The following BFAR variants were observed in gnomAD, a reference collection of about 807,000 sequenced individuals.
BFAR encodes the protein RING finger protein 47.
Under a neutral mutation model 54.4 loss-of-function variants are expected in BFAR, and 52 were observed. That is an observed-to-expected ratio of 0.96 (90% CI 0.77 to 1.21). The LOEUF (loss-of-function observed/expected upper bound fraction) is 1.21. Ranked by LOEUF, BFAR falls within the 50% of genes most tolerant of loss-of-function variation. The probability of loss-of-function intolerance (pLI) is 0.00; values close to 1 mark genes in which losing one functional copy is unlikely to be tolerated. For synonymous variants in BFAR, 215 were observed against 204.3 expected, an observed-to-expected ratio of 1.05 and a Z score of -0.45; for missense variants, 571 against 534.0, an observed-to-expected ratio of 1.07 and a Z score of -0.68.
intron 1 of BFAR, among the ~76,000 whole-genome samples, chr16:14,639,040 A>G (rs935416163): frequency 3.5e-4 from 53 of 152,286 alleles, no homozygotes; most frequent in African/African-American, 1.2e-3. Flanking sequence ...TGACTTTCCT[A>G]AGTGTTAATT....
chr16:14,655,851 G>A (rs1960114602), intron 5 of BFAR, among the ~76,000 whole-genome samples: 1 of 152,188 alleles, frequency 6.6e-6, no homozygotes, highest in African/African-American at 2.4e-5. Flanking sequence ...AACCGCATCT[G>A]CTCTTTAAGC....
rs189802777 is a variant in BFAR, at chr16:14,656,846, T to A, written c.783+1636T>A. ...GTAATCCATAAGGAACAAAGTCCTGTAATCCCAGCACTTTGGGAGGCCGAG... is the reference window on the plus strand; with the variant it reads ...GTAATCCATAAGGAACAAAGTCCTGAAATCCCAGCACTTTGGGAGGCCGAG... On this transcript the variant is annotated intron_variant, in intron 5 of 7. Coordinates refer to ENST00000261658, the MANE Select transcript of BFAR (RefSeq NM_016561.3). Among the ~76,000 whole-genome samples the A allele has an allele frequency of 1.6e-4, 25 of 152,180 alleles. No individual in the cohort carries two copies. In the East Asian group the frequency reaches 4.4e-3, roughly 27 times the overall value.
chr16:14,665,056 C>T lies in BFAR; in HGVS notation c.1145C>T (p.Ser382Leu), dbSNP rs1246290045. The T allele has an allele frequency of 5.0e-6, 8 of 1,612,480 alleles. No individual in the cohort carries two copies. The highest frequency in any genetic ancestry group is 3.3e-5 in the South Asian group (3 of 91,028). Residue 382 changes from serine to leucine, a missense_variant, in exon 7 of 8, where the codon TCG (serine) becomes TTG (leucine). Transcript: ENST00000261658. ...LELFSFWRIW[S>L]RSELKTVPQR... ...TTATTCTCCTTTTGGAGAATCTGGT[C>T]GAGAAGTGAACTGAAGTAAGTATGT...
Position 14,644,471 on chromosome 16 carries a change from T to A in BFAR, c.125T>A (p.Val42Asp). The A allele has an allele frequency of 6.2e-7, 1 of 1,614,104 alleles. No individual in the cohort carries two copies. Among genetic ancestry groups the A allele is most frequent in the Non-Finnish European group, 8.5e-7 (1 of 1,180,006 alleles). ...TGCCACTGCTGCTACGACATCCTGG[T>A]TAACCCCACCACCTTGAACTGTGGG... ...FSCHCCYDIL[V>D]NPTTLNCGHS... is the part of the protein sequence containing the mutation. Residue 42 changes from valine to aspartate, a missense_variant, in exon 2 of 8, where the codon GTT becomes GAT. Val to Asp is a radical substitution (Grantham distance 152). Coordinates refer to ENST00000261658, the MANE Select transcript of BFAR (RefSeq NM_016561.3).
At chr16:14,662,453 T>A (rs1369478148) in intron 6 of BFAR, among the ~76,000 whole-genome samples, 2 of 152,282 alleles carry the variant, frequency 1.3e-5, no homozygotes, top group East Asian at 3.9e-4. Context: ...CTCCCCTAAT[T>A]ACCCAGTCTC....
At chr16:14,653,096 A>G (rs949456472) in intron 4 of BFAR, among the ~76,000 whole-genome samples, 1 of 152,234 alleles carries the variant, frequency 6.6e-6, no homozygotes, top group African/African-American at 2.4e-5. Flanking sequence ...GTATTTTTAC[A>G]TAGCTTTCTA....
At position 14,667,797 on chromosome 16, in the gene BFAR, A is replaced by G; in HGVS notation, c.1323A>G (p.Glu441=). The G allele has an allele frequency of 1.2e-6, 2 of 1,614,058 alleles. No homozygotes were observed. Among genetic ancestry groups the G allele is most frequent in the Non-Finnish European group, 1.7e-6 (2 of 1,180,014 alleles). The change falls in exon 8 of 8, where the codon GAA becomes GAG. Residue 441 remains glutamate, a synonymous_variant. Coordinates refer to ENST00000261658, the MANE Select transcript of BFAR (RefSeq NM_016561.3). ...PIINIDLVVK[E]LRRLETQVL is the part of the protein sequence containing the mutation. ...TTAACATTGATCTTGTGGTCAAGGA[A>G]CTCCGGCGGCTGGAAACCCAGGTGT...
chr16:14,661,646 G>A lies in BFAR; in HGVS notation c.784-246G>A, dbSNP rs114748934. Reference sequence around the variant, plus strand: ...TCAAACTCCTAACCTCAAGTGATCCGTCCACCTCGGCCTTCCCAAGTGTTG... The same window carrying A: ...TCAAACTCCTAACCTCAAGTGATCCATCCACCTCGGCCTTCCCAAGTGTTG... On this transcript the variant is annotated intron_variant, in intron 5 of 7. Transcript: ENST00000261658. Among the ~76,000 whole-genome samples the A allele has an allele frequency of 9.6e-3, 1,459 of 152,026 alleles. 21 individuals carry two copies. The highest frequency in any genetic ancestry group is 0.033 in the African/African-American group (1,378 of 41,472).
At position 14,668,835 on chromosome 16, in the gene BFAR, TAAAAA is replaced by T; in HGVS notation, c.*1020_*1024del. 6.4e-6 allele frequency: 1 copy of T among 157,478 alleles called. No homozygotes were observed. The highest frequency in any genetic ancestry group is 1.4e-5 in the Non-Finnish European group (1 of 73,824). 9.8% of individuals were successfully genotyped at this position (157,478 alleles called of 1,614,324 possible). On this transcript the variant is annotated 3_prime_UTR_variant, in exon 8 of 8. Coordinates refer to ENST00000261658, the MANE Select transcript of BFAR (RefSeq NM_016561.3). ...TGGGTGACAGAGGGAGACTCTGTCT[TAAAAA>T]AAAAAAAAAAATCATCTGTAAAATA...
chr16:14,664,790 G>T, intron 6 of BFAR, 79 bp from the exon 7 acceptor site: 2 of 1,401,994 alleles, frequency 1.4e-6, no homozygotes, highest in Admixed American at 1.7e-5. Context: ...GTGAGCCACC[G>T]TGCCTAGCCT....
intron 5 of BFAR, among the ~76,000 whole-genome samples, chr16:14,656,767 G>A (rs941500622): frequency 1.3e-5 from 2 of 152,134 alleles, no homozygotes; most frequent in Admixed American, 1.3e-4. Flanking sequence ...CACCCATGTA[G>A]GCAGCCACCG....
rs914927905 is a variant in BFAR, at chr16:14,644,587, C to T, written c.241C>T (p.Pro81Ser). The change falls in exon 2 of 8, where the codon CCC becomes TCC. Residue 81 changes from proline to serine, a missense_variant. Transcript: ENST00000261658. ...ATGCAGAGAAAAATGGGAAGGTTTC[C>T]CCAAAGTCAGTATTCTCCTCAGGTA... ...PECREKWEGF[P>S]KVSILLRDAI... The T allele has an allele frequency of 1.9e-6, 3 of 1,613,616 alleles. No individual in the cohort carries two copies. The highest frequency in any genetic ancestry group is 1.7e-6 in the Non-Finnish European group (2 of 1,179,990).
At position 14,649,955 on chromosome 16, in the gene BFAR, C is replaced by G; in HGVS notation, c.620C>G (p.Ser207Cys). The change falls in exon 4 of 8, where the codon TCT becomes TGT. Residue 207 changes from serine (S) to cysteine (C), a missense_variant. Ser to Cys is a moderately radical substitution (Grantham distance 112). Transcript: ENST00000261658. ...TCTCTTTACAGGGAAAGGTTTTTATCTGAACGAGTAAATGGAAGGTGAGGA... is the reference window on the plus strand; with the variant it reads ...TCTCTTTACAGGGAAAGGTTTTTATGTGAACGAGTAAATGGAAGGTGAGGA... ...WASLYRERFL[S>C]ERVNGRLLLT... 6.2e-7 allele frequency: 1 copy of G among 1,610,578 alleles called. No individual in the cohort carries two copies.
At chr16:14,636,601 G>A (rs917136029) in intron 1 of BFAR, among the ~76,000 whole-genome samples, 1 of 152,176 alleles carries the variant, frequency 6.6e-6, no homozygotes, top group African/African-American at 2.4e-5. Flanking sequence ...GCCCAGGGAC[G>A]GGCAGGAGAC....
Position 14,669,198 on chromosome 16 carries a change from T to C in BFAR, c.*1371T>C. ...GCATCTGGAAGTTCGAAGAAATTACTTGAAATAAAAATAAAGATTTCTATA... is the reference window on the plus strand; with the variant it reads ...GCATCTGGAAGTTCGAAGAAATTACCTGAAATAAAAATAAAGATTTCTATA... On this transcript the variant is annotated 3_prime_UTR_variant, in exon 8 of 8. Coordinates refer to ENST00000261658, the MANE Select transcript of BFAR (RefSeq NM_016561.3). 3.2e-6 allele frequency: 1 copy of C among 311,146 alleles called. No homozygotes were observed. The allele number at this position is 311,146 out of a possible 1,614,324, so 19.3% of individuals were successfully genotyped here.
At chr16:14,665,934 A>C (rs999352410) in intron 7 of BFAR, among the ~76,000 whole-genome samples, 2 of 152,272 alleles carry the variant, frequency 1.3e-5, no homozygotes, top group Non-Finnish European at 2.9e-5. Context: ...ATAATAACTT[A>C]GGCTTCAAGC....
At chr16:14,659,560 T>C (rs182744234) in intron 5 of BFAR, among the ~76,000 whole-genome samples, 6 of 146,740 alleles carry the variant, frequency 4.1e-5, no homozygotes, top group African/African-American at 1.5e-4. Context: ...GTATACTTCT[T>C]TTTTTTTTGA....
intron 4 of BFAR, among the ~76,000 whole-genome samples, chr16:14,650,952 A>G (rs1959950828): frequency 6.6e-6 from 1 of 152,206 alleles, no homozygotes; most frequent in Non-Finnish European, 1.5e-5. Context: ...TGACATTTAA[A>G]TTTCTTTGTT....
intron 5 of BFAR, among the ~76,000 whole-genome samples, chr16:14,658,381 T>C (rs1207586746): frequency 6.6e-6 from 1 of 151,928 alleles, no homozygotes; most frequent in African/African-American, 2.4e-5. Flanking sequence ...GTACTGTACA[T>C]GTGGCTGACA....
Sources: allele counts gnomAD v4.1 joint callset (sites outside exome capture counted in the v4.1 genomes callset), GRCh38; gene constraint gnomAD v4.1.1; transcripts MANE v1.5; gene names NCBI Gene and HGNC (gene_info 2026-07-23, HGNC 2026-07-21).